MGAT4A: variants seen among roughly 807,000 people sequenced by gnomAD.
MGAT4A encodes alpha-1,3-mannosyl-glycoprotein 4-beta-N-acetylglucosaminyltransferase A.
Under a neutral mutation model 74.1 loss-of-function variants are expected in MGAT4A, and 33 were observed. The ratio of observed to expected loss-of-function variants is 0.45; its 90% CI spans 0.34 to 0.60. The LOEUF is 0.60. Ranked by LOEUF, MGAT4A falls within the 20% of genes least tolerant of loss-of-function variation. MGAT4A has a pLI of 0.02. For synonymous variants in MGAT4A, 198 were observed against 210.4 expected (o/e 0.94, Z 0.51); for missense variants, 479 against 628.3 (o/e 0.76, Z 2.54).
intron 2 of MGAT4A, among the ~76,000 whole-genome samples, chr2:98,715,807 G>A (rs992229669): frequency 6.6e-6 from 1 of 152,166 alleles, no homozygotes; most frequent in Non-Finnish European, 1.5e-5. Context: ...AAAAATTGCT[G>A]CAGGCAAAAA....
intron 8 of MGAT4A, among the ~76,000 whole-genome samples, chr2:98,652,988 G>C (rs1701603740): frequency 6.6e-6 from 1 of 151,668 alleles, no homozygotes; most frequent in Admixed American, 6.6e-5. Context: ...AATGAAACTA[G>C]AAGTCAATAG....
At chr2:98,720,506 C>A (rs1362529197) in intron 2 of MGAT4A, among the ~76,000 whole-genome samples, 1 of 152,212 alleles carries the variant, frequency 6.6e-6, no homozygotes, top group Non-Finnish European at 1.5e-5. Context: ...CTGAATTACA[C>A]CACCAGCTTT....
At chr2:98,702,868 T>A (rs1034146308) in intron 2 of MGAT4A, among the ~76,000 whole-genome samples, 2 of 152,220 alleles carry the variant, frequency 1.3e-5, no homozygotes, top group Non-Finnish European at 2.9e-5. Context: ...CCAGTCCAGT[T>A]ACTTAAACAA....
At chr2:98,685,692 G>C (rs926079481) in intron 2 of MGAT4A, among the ~76,000 whole-genome samples, 3 of 152,136 alleles carry the variant, frequency 2.0e-5, no homozygotes, top group African/African-American at 7.2e-5. Flanking sequence ...ACTTACAAAC[G>C]AGACCAAGTA....
intron 8 of MGAT4A, among the ~76,000 whole-genome samples, chr2:98,650,140 A>C (rs951240320): frequency 1.3e-5 from 2 of 152,224 alleles, no homozygotes; most frequent in African/African-American, 4.8e-5. Context: ...CTGAATTGAA[A>C]ATTTCACTAG....
chr2:98,623,071 G>C lies in MGAT4A; in HGVS notation c.*2495C>G. 1 of 985,464 alleles carries C rather than the reference G, an allele frequency of 1.0e-6. No individual in the cohort carries two copies. The highest frequency in any genetic ancestry group is 1.1e-4 in the East Asian group (1 of 8,822). The allele number at this position is 985,464 out of a possible 1,614,324, so 61.0% of individuals were successfully genotyped here. A position where few individuals can be genotyped will look rare whatever the true frequency, so the allele number is the denominator to read the frequency against. Reference sequence around the variant, plus strand: ...AAGAGGAGGGCAGGCTGGAATAATTGGTCTCACATCCAGATGCTGACTGGC... The same window carrying C: ...AAGAGGAGGGCAGGCTGGAATAATTCGTCTCACATCCAGATGCTGACTGGC... On this transcript the variant is annotated 3_prime_UTR_variant, in exon 16 of 16. Coordinates refer to ENST00000393487, the MANE Select transcript of MGAT4A (RefSeq NM_012214.3).
At chr2:98,708,767 GT>G (rs1464588673) in intron 2 of MGAT4A, among the ~76,000 whole-genome samples, 2 of 152,322 alleles carry the variant, frequency 1.3e-5, no homozygotes, top group African/African-American at 4.8e-5. Context: ...GGTTAAACTA[GT>G]TTTTTGCCAG....
chr2:98,655,521 C>G lies in MGAT4A; in HGVS notation c.699-1G>C. 6.3e-7 allele frequency: 1 copy of G among 1,598,194 alleles called. No homozygotes were observed. Among genetic ancestry groups the G allele is most frequent in the Non-Finnish European group, 8.5e-7 (1 of 1,170,146 alleles). On this transcript the variant is annotated splice_acceptor_variant, in intron 7 of 15. Coordinates refer to ENST00000393487, the MANE Select transcript of MGAT4A (RefSeq NM_012214.3). LOFTEE classifies it high-confidence loss of function. ...ATCTAGGTTTTGCTTTGTTCTCCAT[C>G]TGAAATAAACATTTTCAAAAAGTAA... is the stretch of plus-strand genomic sequence containing the variant.
chr2:98,646,825 G>C (rs1201488391), intron 8 of MGAT4A, among the ~76,000 whole-genome samples: 1 of 152,212 alleles, frequency 6.6e-6, no homozygotes, highest in Non-Finnish European at 1.5e-5. Context: ...GTGCAGGTCT[G>C]TTACATGGAT....
At chr2:98,702,975 AT>A (rs577405885) in intron 2 of MGAT4A, among the ~76,000 whole-genome samples, 50 of 152,350 alleles carry the variant, frequency 3.3e-4, no homozygotes, top group African/African-American at 1.2e-3. Context: ...GTCAACAAAA[AT>A]TCACAAGACA....
chr2:98,682,975 C>A (rs1265228199), intron 2 of MGAT4A, among the ~76,000 whole-genome samples: 1 of 151,846 alleles, frequency 6.6e-6, no homozygotes. Context: ...GTAGTCCCAG[C>A]TATGCGGGAA....
chr2:98,706,568 T>C (rs751586486), intron 2 of MGAT4A, among the ~76,000 whole-genome samples: 2 of 150,932 alleles, frequency 1.3e-5, no homozygotes, highest in Non-Finnish European at 3.0e-5. Flanking sequence ...GACCTCATGA[T>C]CCACCCGCGT....
chr2:98,672,452 T>C (rs900390563), intron 4 of MGAT4A, among the ~76,000 whole-genome samples: 2 of 152,234 alleles, frequency 1.3e-5, no homozygotes, highest in African/African-American at 2.4e-5. Flanking sequence ...TTATCTGTTA[T>C]CCTCTACGAA....
rs1413416257 is a variant in MGAT4A at position 98,725,844 on chromosome 2, G to A, written c.94+395C>T. On this transcript the variant is annotated intron_variant, in intron 2 of 15. Coordinates refer to ENST00000393487, the MANE Select transcript of MGAT4A (RefSeq NM_012214.3). ...AGCATAATTAGCATGTAAATCTCAC[G>A]AAGGCACTAATTGTGTCCTTTTAAG... The A allele has an allele frequency of 6.6e-5, 17 of 258,446 alleles. No homozygotes were observed. The East Asian group carries it at 9.9e-4, about 15-fold the overall frequency. The allele number at this position is 258,446 out of a possible 1,614,324, so 16.0% of individuals were successfully genotyped here.
intron 2 of MGAT4A, among the ~76,000 whole-genome samples, chr2:98,707,075 T>C (rs1702449580): frequency 6.6e-6 from 1 of 151,830 alleles, no homozygotes; most frequent in African/African-American, 2.4e-5. Context: ...ATTAGCTGGG[T>C]GTGGTGGCGG....
At chr2:98,728,270 C>G (rs1327961894) in intron 1 of MGAT4A, among the ~76,000 whole-genome samples, 1 of 152,212 alleles carries the variant, frequency 6.6e-6, no homozygotes, top group Non-Finnish European at 1.5e-5. Context: ...AACCCTCAGA[C>G]AGCAGCTCTA....
chr2:98,648,977 A>G (rs1701536624), intron 8 of MGAT4A, among the ~76,000 whole-genome samples: 1 of 152,144 alleles, frequency 6.6e-6, no homozygotes, highest in Non-Finnish European at 1.5e-5. Flanking sequence ...TGAGGCTGCC[A>G]TGAGCTATGA....
At chr2:98,676,673 A>G (rs2104287536) in intron 3 of MGAT4A, among the ~76,000 whole-genome samples, 1 of 152,356 alleles carries the variant, frequency 6.6e-6, no homozygotes, top group East Asian at 1.9e-4. Flanking sequence ...AATGTTTAAT[A>G]TATTGTGGTA....
At chr2:98,695,835 A>T (rs1702265065) in intron 2 of MGAT4A, among the ~76,000 whole-genome samples, 1 of 152,058 alleles carries the variant, frequency 6.6e-6, no homozygotes, top group East Asian at 1.9e-4. Context: ...TAAATATATG[A>T]AAATGTAGTT....
Sources: allele counts gnomAD v4.1 joint callset (sites outside exome capture counted in the v4.1 genomes callset), GRCh38; gene constraint gnomAD v4.1.1; transcripts MANE v1.5; gene names NCBI Gene and HGNC (gene_info 2026-07-23, HGNC 2026-07-21).